TMEM65: variants seen among roughly 807,000 people sequenced by gnomAD.
TMEM65 encodes the protein transmembrane protein 65.
TMEM65 carries 22 observed loss-of-function variants against 25.4 expected under a neutral mutation model. That is an observed-to-expected ratio of 0.86 (90% CI 0.62 to 1.23). The LOEUF (loss-of-function observed/expected upper bound fraction) is 1.23. Ranked by LOEUF, TMEM65 falls within the 50% of genes most tolerant of loss-of-function variation. The pLI, the probability that TMEM65 is intolerant of heterozygous loss-of-function variation, is 0.00. For missense variants in TMEM65, 262 were observed against 308.2 expected (o/e 0.85, Z 1.12); for synonymous variants, 132 against 126.2 (o/e 1.05, Z -0.31).
chr8:124,345,807 A>C (rs1042375672), intron 1 of TMEM65, among the ~76,000 whole-genome samples: 2 of 152,038 alleles, frequency 1.3e-5, no homozygotes, highest in African/African-American at 4.8e-5. Flanking sequence ...GCAATGGTGC[A>C]ATCTCGGCTC....
intron 1 of TMEM65, among the ~76,000 whole-genome samples, chr8:124,361,383 C>T (rs1031339887): frequency 7.1e-6 from 1 of 140,394 alleles, no homozygotes; most frequent in African/African-American, 2.7e-5. Context: ...TGCGGTGAGC[C>T]GAGACTGCGC....
chr8:124,313,974 C>G lies in TMEM65; in HGVS notation c.709G>C (p.Glu237Gln). 6.2e-7 allele frequency: 1 copy of G among 1,612,608 alleles called. No individual in the cohort carries two copies. Among genetic ancestry groups the G allele is most frequent in the Non-Finnish European group, 8.5e-7 (1 of 1,179,068 alleles). ...TTCTAAGAGGATTAACTTTTCGTTT[C>G]CAGTTTTTCATCTTCTTCACCTCCT... ...FGGGEEDEKL[E>Q]TKS The change falls in exon 7 of 7, where the codon GAA (glutamate) becomes CAA (glutamine). Residue 237 changes from glutamate (E) to glutamine (Q), a missense_variant. By Grantham distance (29) the Glu-to-Gln change is conservative. Coordinates refer to ENST00000297632, the MANE Select transcript of TMEM65 (RefSeq NM_194291.3).
intron 4 of TMEM65, among the ~76,000 whole-genome samples, chr8:124,322,687 A>C (rs1200471909): frequency 6.6e-6 from 1 of 151,986 alleles, no homozygotes; most frequent in Non-Finnish European, 1.5e-5. Context: ...TACCCAACTC[A>C]AAAATAAATA....
At chr8:124,324,761 A>C (rs1040185831) in intron 3 of TMEM65, among the ~76,000 whole-genome samples, 1 of 152,056 alleles carries the variant, frequency 6.6e-6, no homozygotes, top group African/African-American at 2.4e-5. Flanking sequence ...ATATAAAGTC[A>C]AAGATGGTTT....
chr8:124,330,685 G>C lies in TMEM65; in HGVS notation c.349+63C>G, dbSNP rs190356974. 9.6e-3 allele frequency: 14,006 copies of C among 1,464,728 alleles called. 166 individuals carry two copies. Among genetic ancestry groups the C allele is most frequent in the Non-Finnish European group, 8.5e-3 (8,967 of 1,057,818 alleles). 90.7% of individuals were successfully genotyped at this position (1,464,728 alleles called of 1,614,324 possible). On this transcript the variant is annotated intron_variant, in intron 2 of 6. Coordinates refer to ENST00000297632, the MANE Select transcript of TMEM65 (RefSeq NM_194291.3). ...TGACTCTTCTGTGCTATCAATGAAT[G>C]ATACAGTTATTTCAAGGCCAAAAGA... is the stretch of plus-strand genomic sequence containing the variant.
At chr8:124,347,115 A>G (rs1814648495) in intron 1 of TMEM65, among the ~76,000 whole-genome samples, 2 of 152,184 alleles carry the variant, frequency 1.3e-5, no homozygotes, top group South Asian at 4.1e-4. Flanking sequence ...ATATACTTAC[A>G]AAACCTGACA....
At position 124,350,151 on chromosome 8, in the gene TMEM65, T is replaced by C. The variant is rs573161464; in HGVS notation, c.305-19359A>G. On this transcript the variant is annotated intron_variant, in intron 1 of 6. Coordinates refer to ENST00000297632, the MANE Select transcript of TMEM65 (RefSeq NM_194291.3). ...GTGTGTGTGTGTGTGTGTGTGTGTG[T>C]GCATGTGTGTAAAAACACTATGCCC... 9.6e-3 allele frequency among the ~76,000 whole-genome samples: 1,436 copies of C among 148,920 alleles called. 28 individuals are homozygous for C. Among genetic ancestry groups the C allele is most frequent in the Middle Eastern group, 0.017 (5 of 292 alleles).
chr8:124,358,499 C>T (rs1190709977), intron 1 of TMEM65, among the ~76,000 whole-genome samples: 1 of 152,206 alleles, frequency 6.6e-6, no homozygotes, highest in Non-Finnish European at 1.5e-5. Flanking sequence ...AGCCATACTC[C>T]AATGCATTCA....
intron 1 of TMEM65, among the ~76,000 whole-genome samples, chr8:124,341,127 T>A (rs1814579004): frequency 1.3e-5 from 2 of 151,940 alleles, no homozygotes; most frequent in South Asian, 4.1e-4. Flanking sequence ...TAATTTTATA[T>A]AAAGTATAAA....
rs191215044 is a variant in TMEM65, at chr8:124,369,528, T to C, written c.304+2326A>G. Among the ~76,000 whole-genome samples the C allele has an allele frequency of 9.4e-3, 1,437 of 152,290 alleles. 30 individuals carry two copies. The highest frequency in any genetic ancestry group is 0.017 in the Middle Eastern group (5 of 294). On this transcript the variant is annotated intron_variant, in intron 1 of 6. Transcript: ENST00000297632. Reference sequence around the variant, plus strand: ...CTATGGCAAGAAATAGCCCTTTAAATAGAATTAATTTTGTTAGAAAGTACA... The same window carrying C: ...CTATGGCAAGAAATAGCCCTTTAAACAGAATTAATTTTGTTAGAAAGTACA...
intron 2 of TMEM65, among the ~76,000 whole-genome samples, chr8:124,330,113 G>C (rs895636695): frequency 6.6e-6 from 1 of 151,726 alleles, no homozygotes; most frequent in African/African-American, 2.4e-5. Context: ...CCAGTTGTTA[G>C]CAAATCACGT....
chr8:124,338,318 T>C (rs768640931), intron 1 of TMEM65, among the ~76,000 whole-genome samples: 27 of 150,914 alleles, frequency 1.8e-4, no homozygotes, highest in Non-Finnish European at 3.4e-4. Context: ...CCTAAATTAT[T>C]TTGCACTGCT....
At chr8:124,320,270 G>T in intron 5 of TMEM65, 79 bp from the exon 6 acceptor site, 1 of 1,057,512 alleles carries the variant, frequency 9.5e-7, no homozygotes, top group Non-Finnish European at 1.4e-6. Flanking sequence ...ACAAAACAAA[G>T]ACATGAGGAC....
chr8:124,332,483 A>G (rs574651317), intron 1 of TMEM65, among the ~76,000 whole-genome samples: 32 of 152,334 alleles, frequency 2.1e-4, no homozygotes, highest in African/African-American at 7.7e-4. Flanking sequence ...AGCGAAGAAG[A>G]AAAGATAAGG....
chr8:124,336,756 T>C (rs1159214994), intron 1 of TMEM65, among the ~76,000 whole-genome samples: 1 of 151,860 alleles, frequency 6.6e-6, no homozygotes, highest in African/African-American at 2.4e-5. Context: ...TACAGTTCCA[T>C]CTTAAGAAGC....
At chr8:124,345,688 T>C (rs1814632392) in intron 1 of TMEM65, among the ~76,000 whole-genome samples, 1 of 152,202 alleles carries the variant, frequency 6.6e-6, no homozygotes, top group Non-Finnish European at 1.5e-5. Context: ...TACACTGCTA[T>C]AAAGATACTA....
At chr8:124,352,117 CAT>C (rs1814716928) in intron 1 of TMEM65, among the ~76,000 whole-genome samples, 1 of 152,130 alleles carries the variant, frequency 6.6e-6, no homozygotes, top group South Asian at 2.1e-4. Context: ...TTACGATGTA[CAT>C]ATGTTTCTAC....
chr8:124,313,744 C>A lies in TMEM65; in HGVS notation c.*216G>T. On this transcript the variant is annotated 3_prime_UTR_variant, in exon 7 of 7. Transcript: ENST00000297632. ...ATGTTGACTGCTATTGATGAAAAAG[C>A]ATTTCAACAATATACACAAAATGAT... is the stretch of plus-strand genomic sequence containing the variant. The A allele has an allele frequency of 2.1e-6, 1 of 467,640 alleles. No individual in the cohort carries two copies. The highest frequency in any genetic ancestry group is 3.8e-6 in the Non-Finnish European group (1 of 264,526). The allele number at this position is 467,640 out of a possible 1,614,324, so 29.0% of individuals were successfully genotyped here.
At chr8:124,346,381 C>T (rs1212142183) in intron 1 of TMEM65, among the ~76,000 whole-genome samples, 1 of 151,998 alleles carries the variant, frequency 6.6e-6, no homozygotes, top group Non-Finnish European at 1.5e-5. Flanking sequence ...TAAATCCATA[C>T]TTGAAATAAA....
Sources: gnomAD v4.1 joint callset for allele counts (sites outside exome capture counted in the v4.1 genomes callset) on GRCh38, gnomAD v4.1.1 for gene constraint, MANE v1.5 for transcripts, NCBI Gene and HGNC (gene_info 2026-07-23, HGNC 2026-07-21) for gene names.